The following HEG1 variants were observed in gnomAD, a reference collection of about 807,000 sequenced individuals.
The protein encoded by HEG1 is heart development protein with EGF like domains 1, also known as protein HEG homolog 1.
Under a neutral mutation model 125.6 loss-of-function variants are expected in HEG1, and 56 were observed. The observed-to-expected ratio is 0.45, with a 90% confidence interval of 0.36 to 0.56. The LOEUF (loss-of-function observed/expected upper bound fraction) is 0.56. HEG1 is among the 20% of genes least tolerant of loss of function. The pLI, the probability that HEG1 is intolerant of heterozygous loss-of-function variation, is 0.00. For synonymous variants in HEG1, 644 were observed against 668.5 expected, an observed-to-expected ratio of 0.96 and a Z score of 0.57; for missense variants, 1,523 against 1,670.0, an observed-to-expected ratio of 0.91 and a Z score of 1.53.
intron 1 of HEG1, among the ~76,000 whole-genome samples, chr3:125,036,184 T>C (rs1937545178): frequency 9.1e-6 from 1 of 110,268 alleles, no homozygotes; most frequent in African/African-American, 3.6e-5. Context: ...CACTCTAGCC[T>C]GGATGACAAA....
At chr3:124,971,468 CTCTT>C (rs1443979086) in intron 16 of HEG1, among the ~76,000 whole-genome samples, 1 of 149,840 alleles carries the variant, frequency 6.7e-6, no homozygotes, top group Non-Finnish European at 1.5e-5. Flanking sequence ...ACCTTTCCCT[CTCTT>C]TCTTTCTTTT....
chr3:125,004,111 T>C (rs1937037409), intron 9 of HEG1, among the ~76,000 whole-genome samples: 1 of 152,206 alleles, frequency 6.6e-6, no homozygotes, highest in Non-Finnish European at 1.5e-5. Flanking sequence ...GCAGATGTGC[T>C]GGCAATGCCT....
At chr3:124,979,021 G>A (rs1180396855) in intron 14 of HEG1, among the ~76,000 whole-genome samples, 1 of 151,620 alleles carries the variant, frequency 6.6e-6, no homozygotes, top group East Asian at 1.9e-4. Context: ...TGCGATCCCG[G>A]CTCACTGAAC....
rs1276794103 is a variant in HEG1, at chr3:124,966,367, T to A, written c.*4285A>T. 1.3e-5 allele frequency: 2 copies of A among 152,220 alleles called. No homozygotes were observed. Among genetic ancestry groups the A allele is most frequent in the East Asian group, 3.8e-4 (2 of 5,200 alleles). The allele number at this position is 152,220 out of a possible 1,614,324, so 9.4% of individuals were successfully genotyped here. On this transcript the variant is annotated 3_prime_UTR_variant, in exon 17 of 17. Transcript: ENST00000311127. ...TGGAGTATAACGCTAATGAAGATAC[T>A]TTACTACAACAAATTAATTGGCATT...
At position 125,013,681 on chromosome 3, in the gene HEG1, A is replaced by C; in HGVS notation, c.1898T>G (p.Leu633Arg). Residue 633 changes from leucine (L) to arginine (R), a missense_variant, in exon 6 of 17, where the codon CTT (leucine) becomes CGT (arginine). By Grantham distance (102) the Leu-to-Arg change is moderately radical (BLOSUM62 -2). Coordinates refer to ENST00000311127, the MANE Select transcript of HEG1 (RefSeq NM_020733.2). ...ATTAATGGTGGGTGTGTAGGACGGA[A>C]GGTTGGATGTATGCAGAACTGGCGA... ...TESPVLHTSN[L>R]PSYTPTINMP... The C allele has an allele frequency of 6.2e-7, 1 of 1,613,864 alleles. No homozygotes were observed. Among genetic ancestry groups the C allele is most frequent in the Non-Finnish European group, 8.5e-7 (1 of 1,179,848 alleles).
intron 1 of HEG1, among the ~76,000 whole-genome samples, chr3:125,033,785 G>A (rs1937520545): frequency 1.3e-5 from 2 of 152,214 alleles, no homozygotes; most frequent in South Asian, 4.1e-4. Flanking sequence ...GTGGGCGAGC[G>A]AGCATTACCG....
chr3:125,015,792 A>T (rs376804202), intron 5 of HEG1, among the ~76,000 whole-genome samples: 3 of 142,822 alleles, frequency 2.1e-5, no homozygotes, highest in South Asian at 4.5e-4. Flanking sequence ...GTACAAAAAG[A>T]AAAAAAAACC....
At chr3:125,006,773 C>T (rs1463967607) in intron 8 of HEG1, among the ~76,000 whole-genome samples, 5 of 152,158 alleles carry the variant, frequency 3.3e-5, no homozygotes, top group African/African-American at 9.7e-5. Flanking sequence ...ATTGTGAAGG[C>T]GATAGTGCTG....
At chr3:125,022,395 G>A (rs570464195) in intron 3 of HEG1, among the ~76,000 whole-genome samples, 14 of 127,674 alleles carry the variant, frequency 1.1e-4, no homozygotes, top group Admixed American at 3.2e-4. Context: ...TATCACTACA[G>A]CGAGAGAGAG....
chr3:125,015,720 T>G lies in HEG1; in HGVS notation c.1589-1730A>C, dbSNP rs575742599. ...TGTTAGATTATCAGATAAACCCTTC[T>G]CTTCAGAAATGATGAAAATGAGGTC... On this transcript the variant is annotated intron_variant, in intron 5 of 16. Transcript: ENST00000311127. Among the ~76,000 whole-genome samples, 6 of 152,232 alleles carry G rather than the reference T, an allele frequency of 3.9e-5. No individual in the cohort carries two copies. The South Asian group carries it at 1.2e-3, about 32-fold the overall frequency.
chr3:125,055,970 C>A lies in HEG1; in HGVS notation c.-80G>T. ...GCAGCGGGCAGCGGGCGGCGGGGGCCGCGCGGGGCCGGGGAAGTGAGCGGA... is the reference window on the plus strand; with the variant it reads ...GCAGCGGGCAGCGGGCGGCGGGGGCAGCGCGGGGCCGGGGAAGTGAGCGGA... On this transcript the variant is annotated 5_prime_UTR_variant, in exon 1 of 17. Transcript: ENST00000311127. The A allele has an allele frequency of 3.7e-6, 3 of 801,258 alleles. No homozygotes were observed. Among genetic ancestry groups the A allele is most frequent in the South Asian group, 5.4e-5 (1 of 18,508 alleles). The allele number at this position is 801,258 out of a possible 1,614,324, so 49.6% of individuals were successfully genotyped here.
Position 124,990,995 on chromosome 3 carries a change from CA to C in HEG1, c.3653-10del. On this transcript the variant is annotated splice_polypyrimidine_tract_variant and intron_variant, in intron 12 of 16. Coordinates refer to ENST00000311127, the MANE Select transcript of HEG1 (RefSeq NM_020733.2). The stretch of plus-strand genomic sequence containing the variant: ...ATATCCATCTTCACATGCTGAAAGA[CA>C]AAAGGAAAATGCATGAGTGTGTCTA... 6.4e-7 allele frequency: 1 copy of C among 1,554,560 alleles called. No homozygotes were observed. The highest frequency in any genetic ancestry group is 8.7e-7 in the Non-Finnish European group (1 of 1,147,698).
At chr3:125,030,842 C>T (rs1317446413) in intron 1 of HEG1, among the ~76,000 whole-genome samples, 6 of 152,034 alleles carry the variant, frequency 3.9e-5, no homozygotes, top group Non-Finnish European at 8.8e-5. Flanking sequence ...AAACCCAGGC[C>T]CCTCACTCGC....
At chr3:125,055,515 G>A (rs1320047836) in intron 1 of HEG1, 60 bp downstream of exon 1, 5 of 1,100,522 alleles carry the variant, frequency 4.5e-6, no homozygotes, top group Admixed American at 9.5e-5. Context: ...ATGCAGCCCG[G>A]GGCGCGCCCA....
At chr3:125,008,487 G>T (rs1041990976) in intron 8 of HEG1, among the ~76,000 whole-genome samples, 2 of 152,310 alleles carry the variant, frequency 1.3e-5, no homozygotes, top group Non-Finnish European at 1.5e-5. Context: ...TTATCTGCCA[G>T]TTTCCTTACT....
chr3:125,032,163 C>T (rs537170558), intron 1 of HEG1, among the ~76,000 whole-genome samples: 1 of 152,298 alleles, frequency 6.6e-6, no homozygotes, highest in East Asian at 1.9e-4. Context: ...GTCAACCACA[C>T]GTGGCTGGTG....
chr3:125,038,116 T>G (rs937144060), intron 1 of HEG1, among the ~76,000 whole-genome samples: 2 of 152,210 alleles, frequency 1.3e-5, no homozygotes, highest in Non-Finnish European at 1.5e-5. Flanking sequence ...AAGCTCAGTG[T>G]CCTAACCCTT....
chr3:124,971,384 T>C (rs1247523481), intron 16 of HEG1, among the ~76,000 whole-genome samples: 1 of 152,154 alleles, frequency 6.6e-6, no homozygotes, highest in Non-Finnish European at 1.5e-5. Context: ...CAGCCAGCTA[T>C]TTTTTTCCTT....
At chr3:125,002,171 G>C (rs1937010798) in intron 10 of HEG1, 86 bp downstream of exon 10, 2 of 1,507,326 alleles carry the variant, frequency 1.3e-6, no homozygotes, top group African/African-American at 2.8e-5. Context: ...GGTGAAAACA[G>C]CCCGGTTTTG....
Sources: allele counts gnomAD v4.1 joint callset (sites outside exome capture counted in the v4.1 genomes callset), GRCh38; gene constraint gnomAD v4.1.1; transcripts MANE v1.5; gene names NCBI Gene and HGNC (gene_info 2026-07-23, HGNC 2026-07-21).